SPECC1L: variants seen among roughly 807,000 people sequenced by gnomAD.
SPECC1L encodes the protein cytospin-A.
In SPECC1L, 40 loss-of-function variants were observed where a neutral mutation model predicts 116.8. The observed-to-expected ratio is 0.34, with a 90% CI of 0.27 to 0.45. The LOEUF is 0.45. Ranked by LOEUF, SPECC1L falls within the 20% of genes least tolerant of loss-of-function variation. The pLI is 1.00. For missense variants in SPECC1L, 1,110 were observed against 1,373.6 expected (o/e 0.81, Z 3.03); for synonymous variants, 504 against 500.6 (o/e 1.01, Z -0.09).
At chr22:24,388,334 T>G (rs921065813) in intron 14 of SPECC1L, among the ~76,000 whole-genome samples, 1 of 149,014 alleles carries the variant, frequency 6.7e-6, no homozygotes, top group Non-Finnish European at 1.5e-5. Flanking sequence ...CATGCAGTGT[T>G]TGTTTTTTTT....
At chr22:24,390,852 CTTTTTTTTTTTTTTCTTTTCT>C (rs2042249357) in intron 14 of SPECC1L, among the ~76,000 whole-genome samples, 9 of 48,552 alleles carry the variant, frequency 1.9e-4, no homozygotes, top group Middle Eastern at 0.011. Context: ...GCCTGTGTTC[CTTTTTTTTTTTTTTCTTTTCT>C]TTTTTTTTTT....
At chr22:24,295,761 C>CT (rs1209807008) in intron 2 of SPECC1L, among the ~76,000 whole-genome samples, 4 of 152,044 alleles carry the variant, frequency 2.6e-5, no homozygotes, top group Non-Finnish European at 4.4e-5. Flanking sequence ...CCAGCCTGGC[C>CT]AACATGGTGA....
At chr22:24,323,103 A>G (rs1452628464) in intron 5 of SPECC1L, 185 bp downstream of exon 5, 6 of 982,724 alleles carry the variant, frequency 6.1e-6, no homozygotes, top group Non-Finnish European at 6.0e-6. Context: ...TCTTAAGATA[A>G]TGTCACTTTC....
intron 11 of SPECC1L, among the ~76,000 whole-genome samples, chr22:24,351,562 A>T (rs1309781317): frequency 6.6e-6 from 1 of 152,116 alleles, no homozygotes; most frequent in Non-Finnish European, 1.5e-5. Context: ...GCCTTAGTGG[A>T]GTGTGGTTGA....
chr22:24,406,326 C>T (rs1271810780), intron 14 of SPECC1L, among the ~76,000 whole-genome samples: 1 of 152,054 alleles, frequency 6.6e-6, no homozygotes, highest in East Asian at 1.9e-4. Flanking sequence ...TGATGAGGGC[C>T]CCAGGATCAG....
chr22:24,367,438 AT>A (rs1024871651), intron 13 of SPECC1L, among the ~76,000 whole-genome samples: 4 of 150,430 alleles, frequency 2.7e-5, no homozygotes, highest in Non-Finnish European at 3.0e-5. Flanking sequence ...TTTTTTTGCA[AT>A]TTTTTTTTAG....
intron 14 of SPECC1L, among the ~76,000 whole-genome samples, chr22:24,372,678 G>A (rs540227177): frequency 0.042 from 6,384 of 152,118 alleles, 451 homozygotes; most frequent in African/African-American, 0.15. Flanking sequence ...ATACTGAATG[G>A]GTAAAAACTG....
chr22:24,324,122 T>A (rs1268874481), intron 5 of SPECC1L, 98 bp from the exon 6 acceptor site: 10 of 991,052 alleles, frequency 1.0e-5, no homozygotes, highest in Non-Finnish European at 6.5e-6. Context: ...TAGTGCCTCA[T>A]ACTTAGCTCC....
At chr22:24,274,212 T>C (rs1395650779) in intron 1 of SPECC1L, among the ~76,000 whole-genome samples, 3 of 152,230 alleles carry the variant, frequency 2.0e-5, no homozygotes, top group African/African-American at 7.2e-5. Context: ...CCTCAGTCTT[T>C]TACTGTGAAA....
At chr22:24,394,148 A>C (rs1469107675) in intron 14 of SPECC1L, among the ~76,000 whole-genome samples, 1 of 152,182 alleles carries the variant, frequency 6.6e-6, no homozygotes, top group Non-Finnish European at 1.5e-5. Context: ...ATGAACGTTC[A>C]CGTGCAGGTG....
rs779805535 is a variant in SPECC1L at position 24,411,724 on chromosome 22, C to A, written c.3204+20C>A. On this transcript the variant is annotated intron_variant, in intron 15 of 16. Transcript: ENST00000314328. Reference sequence around the variant, plus strand: ...GATAAGGTAGGCCATGGAGGGCCAGCTCCTGGCACCCACCTCACAGGGTTG... The same window carrying A: ...GATAAGGTAGGCCATGGAGGGCCAGATCCTGGCACCCACCTCACAGGGTTG... The A allele has an allele frequency of 6.3e-7, 1 of 1,583,648 alleles. No homozygotes were observed. The highest frequency in any genetic ancestry group is 1.1e-5 in the South Asian group (1 of 90,432).
At chr22:24,341,167 C>T (rs2041169795) in intron 10 of SPECC1L, among the ~76,000 whole-genome samples, 1 of 152,114 alleles carries the variant, frequency 6.6e-6, no homozygotes. Context: ...CTCGAATTTG[C>T]AGGGCAGATA....
chr22:24,287,442 C>G (rs2049063481), intron 2 of SPECC1L, among the ~76,000 whole-genome samples: 1 of 152,126 alleles, frequency 6.6e-6, no homozygotes, highest in South Asian at 2.1e-4. Context: ...AGCTGGACTT[C>G]TTCCCTGACA....
intron 11 of SPECC1L, among the ~76,000 whole-genome samples, chr22:24,358,522 A>C (rs1306088977): frequency 1.3e-5 from 2 of 152,184 alleles, no homozygotes; most frequent in Non-Finnish European, 2.9e-5. Context: ...ATACCTGTTC[A>C]ATTATTTTGT....
chr22:24,390,872 C>T (rs148072989), intron 14 of SPECC1L, among the ~76,000 whole-genome samples: 9,236 of 55,390 alleles, frequency 0.17, 220 homozygotes, highest in African/African-American at 0.26. Context: ...TTTTTCTTTT[C>T]TTTTTTTTTT....
Sources: allele counts gnomAD v4.1 joint callset (sites outside exome capture counted in the v4.1 genomes callset), GRCh38; gene constraint gnomAD v4.1.1; transcripts MANE v1.5; gene names NCBI Gene and HGNC (gene_info 2026-07-23, HGNC 2026-07-21).